The following CNTNAP2 variants were observed in gnomAD, a reference collection of about 807,000 sequenced individuals.
CNTNAP2 encodes the protein contactin associated protein 2.
CNTNAP2 carries 98 observed loss-of-function variants against 155.2 expected under a neutral mutation model. The observed-to-expected ratio is 0.63, with a 90% CI of 0.54 to 0.75. CNTNAP2 has a LOEUF of 0.75. CNTNAP2 is among the 30% of genes least tolerant of loss of function. The pLI is 0.00. For missense variants in CNTNAP2, 1,727 were observed against 1,688.1 expected (o/e 1.02, Z -0.40); for synonymous variants, 651 against 631.2 (o/e 1.03, Z -0.47).
chr7:147,735,329 G>T, intron 13 of CNTNAP2, among the ~76,000 whole-genome samples: 1 of 152,160 alleles, frequency 6.6e-6, no homozygotes, highest in East Asian at 1.9e-4. Context: ...TAGTTGAGTG[G>T]TTTTGAGTGA....
intron 6 of CNTNAP2, among the ~76,000 whole-genome samples, chr7:147,123,536 T>C (rs1406541280): frequency 2.0e-5 from 3 of 152,342 alleles, no homozygotes; most frequent in African/African-American, 4.8e-5. Flanking sequence ...CTGGAACTTA[T>C]TTATTAGACA....
At chr7:147,542,968 T>C (rs1799666161) in intron 11 of CNTNAP2, among the ~76,000 whole-genome samples, 1 of 152,178 alleles carries the variant, frequency 6.6e-6, no homozygotes, top group Admixed American at 6.5e-5. Flanking sequence ...AATGATATGC[T>C]GAGACCAGCT....
At chr7:147,134,873 T>G (rs1055664843) in intron 8 of CNTNAP2, among the ~76,000 whole-genome samples, 5 of 151,884 alleles carry the variant, frequency 3.3e-5, no homozygotes, top group African/African-American at 9.7e-5. Flanking sequence ...GTCAAATATT[T>G]TGATTGAAAG....
In CNTNAP2 at chr7:146,171,503, A is replaced by G. The variant is rs569534480; in HGVS notation, c.97+54530A>G. Among the ~76,000 whole-genome samples the G allele has an allele frequency of 8.5e-5, 13 of 152,294 alleles. No homozygotes were observed. The East Asian group carries it at 2.3e-3, about 27-fold the overall frequency. ...TTTGTCATATTTTAAATCTCACTTA[A>G]TTATAATCATTATAGGTTCAAGGTT... On this transcript the variant is annotated intron_variant, in intron 1 of 23. Transcript: ENST00000361727.
intron 1 of CNTNAP2, among the ~76,000 whole-genome samples, chr7:146,554,832 CA>C (rs1157936039): frequency 3.9e-5 from 6 of 152,204 alleles, no homozygotes; most frequent in Admixed American, 3.9e-4. Context: ...ACCTTTTTAA[CA>C]AAATAGGCGT....
chr7:147,272,554 A>T (rs1043635945), intron 8 of CNTNAP2, among the ~76,000 whole-genome samples: 1 of 151,944 alleles, frequency 6.6e-6, no homozygotes, highest in Non-Finnish European at 1.5e-5. Flanking sequence ...GCTGGAGTGC[A>T]GTGGCGCCAT....
chr7:148,366,046 G>A lies in CNTNAP2; in HGVS notation c.3476-17603G>A, dbSNP rs554668399. ...TATGCATGTGTGTGTATGCATGTAT[G>A]CATGTGTGTGTATGCATGTATGCAT... is the stretch of plus-strand genomic sequence containing the variant. On this transcript the variant is annotated intron_variant, in intron 21 of 23. Coordinates refer to ENST00000361727, the MANE Select transcript of CNTNAP2 (RefSeq NM_014141.6). 3.2e-3 allele frequency among the ~76,000 whole-genome samples: 2 copies of A among 632 alleles called. 1 individual carries two copies. The highest frequency in any genetic ancestry group is 0.5 in the East Asian group (2 of 4). 0.4% of individuals were successfully genotyped at this position (632 alleles called of 152,430 possible).
intron 5 of CNTNAP2, among the ~76,000 whole-genome samples, chr7:147,110,896 T>C (rs1313812492): frequency 6.6e-6 from 1 of 152,192 alleles, no homozygotes; most frequent in African/African-American, 2.4e-5. Flanking sequence ...TATCCAGTAA[T>C]GGGATTGCTG....
intron 12 of CNTNAP2, among the ~76,000 whole-genome samples, chr7:147,565,274 G>A (rs1204356455): frequency 6.6e-6 from 1 of 152,150 alleles, no homozygotes; most frequent in African/African-American, 2.4e-5. Context: ...GGAACATAGT[G>A]AGCGTAAGAG....
In CNTNAP2 at chr7:147,073,479, A is replaced by G. The variant is rs1355167662; in HGVS notation, c.550+29425A>G. The stretch of plus-strand genomic sequence containing the variant: ...CAAGATCTCAGCTTGGATAGGACAA[A>G]CGACAAATTGTGACTTAGCTATGCA... On this transcript the variant is annotated intron_variant, in intron 4 of 23. Coordinates refer to ENST00000361727, the MANE Select transcript of CNTNAP2 (RefSeq NM_014141.6). 2.0e-5 allele frequency among the ~76,000 whole-genome samples: 3 copies of G among 152,274 alleles called. No individual in the cohort carries two copies. The South Asian group carries it at 6.2e-4, about 32-fold the overall frequency.
At chr7:146,152,051 G>T (rs564380577) in intron 1 of CNTNAP2, among the ~76,000 whole-genome samples, 20 of 151,754 alleles carry the variant, frequency 1.3e-4, no homozygotes, top group Non-Finnish European at 2.6e-4. Context: ...ATGTTGAAAA[G>T]ATATTTGTAC....
intron 11 of CNTNAP2, among the ~76,000 whole-genome samples, chr7:147,488,111 C>T (rs976780982): frequency 2.6e-5 from 4 of 152,094 alleles, no homozygotes; most frequent in African/African-American, 9.7e-5. Context: ...CTCCTAATAA[C>T]CTGAAAGACT....
intron 11 of CNTNAP2, among the ~76,000 whole-genome samples, chr7:147,498,746 A>G (rs921122350): frequency 2.7e-4 from 41 of 152,204 alleles, no homozygotes; most frequent in African/African-American, 9.6e-4. Flanking sequence ...TAAAAATTCT[A>G]AAGGATTTGA....
chr7:148,326,299 T>C (rs1211364638), intron 21 of CNTNAP2, among the ~76,000 whole-genome samples: 1 of 152,176 alleles, frequency 6.6e-6, no homozygotes, highest in Non-Finnish European at 1.5e-5. Flanking sequence ...AGAGGGAAGC[T>C]GGATCTTAGA....
At chr7:147,887,885 T>C (rs1799627089) in intron 13 of CNTNAP2, among the ~76,000 whole-genome samples, 1 of 152,192 alleles carries the variant, frequency 6.6e-6, no homozygotes. Context: ...AGAAAGCCAG[T>C]TCTGATGCAT....
intron 13 of CNTNAP2, among the ~76,000 whole-genome samples, chr7:147,771,519 C>T (rs950325099): frequency 6.6e-6 from 1 of 152,186 alleles, no homozygotes; most frequent in Non-Finnish European, 1.5e-5. Context: ...AACAAAGTGC[C>T]TTTCTATTTT....
chr7:146,309,829 A>AAAGGAAGGAAGGAAGGAAGGAAGGAAGG (rs370487767), intron 1 of CNTNAP2, among the ~76,000 whole-genome samples: 7 of 148,822 alleles, frequency 4.7e-5, no homozygotes, highest in African/African-American at 1.8e-4. Flanking sequence ...AGAAGAAAGG[A>AAAGGAAGGAAGGAAGGAAGGAAGGAAGG]AAGGAAGGAA....
chr7:147,815,691 T>G (rs1211333741), intron 13 of CNTNAP2, among the ~76,000 whole-genome samples: 5 of 152,208 alleles, frequency 3.3e-5, no homozygotes, highest in African/African-American at 1.2e-4. Context: ...TATTCACATA[T>G]TCCAGGGATC....
At chr7:147,560,780 G>T (rs903057736) in intron 11 of CNTNAP2, among the ~76,000 whole-genome samples, 2 of 149,880 alleles carry the variant, frequency 1.3e-5, no homozygotes, top group Non-Finnish European at 3.0e-5. Flanking sequence ...GAAATGGGTA[G>T]ATCAAAGAAT....
Sources: allele counts gnomAD v4.1 joint callset (sites outside exome capture counted in the v4.1 genomes callset), GRCh38; gene constraint gnomAD v4.1.1; transcripts MANE v1.5; gene names NCBI Gene and HGNC (gene_info 2026-07-23, HGNC 2026-07-21).